Variants in MAGI2 observed in about 807,000 individuals in gnomAD.
The protein encoded by MAGI2 is membrane-associated guanylate kinase, WW and PDZ domain-containing protein 2.
Under a neutral mutation model 133.3 loss-of-function variants are expected in MAGI2, and 35 were observed. That is an observed-to-expected ratio of 0.26 (90% CI 0.20 to 0.35). The LOEUF is 0.35. Among genes scored for constraint, MAGI2 ranks in the 10% least tolerant of loss-of-function variants. MAGI2 has a pLI of 1.00. For synonymous variants in MAGI2, 729 were observed against 710.6 expected, an observed-to-expected ratio of 1.03 and a Z score of -0.41; for missense variants, 1,636 against 1,863.4, an observed-to-expected ratio of 0.88 and a Z score of 2.25.
At chr7:79,044,021 C>A (rs1475835680) in intron 1 of MAGI2, among the ~76,000 whole-genome samples, 2 of 152,120 alleles carry the variant, frequency 1.3e-5, no homozygotes, top group African/African-American at 4.8e-5. Context: ...GGTATCAATC[C>A]TACTGACACT....
intron 1 of MAGI2, among the ~76,000 whole-genome samples, chr7:79,335,180 A>T (rs1840350410): frequency 6.6e-6 from 1 of 152,138 alleles, no homozygotes; most frequent in Non-Finnish European, 1.5e-5. Flanking sequence ...TACACAATTG[A>T]CAACATAAAT....
intron 18 of MAGI2, among the ~76,000 whole-genome samples, chr7:78,131,235 C>A (rs531733115): frequency 9.9e-5 from 15 of 152,154 alleles, no homozygotes; most frequent in Non-Finnish European, 1.8e-4. Flanking sequence ...CAGGACCTAC[C>A]CTTCTTAGGG....
intron 9 of MAGI2, among the ~76,000 whole-genome samples, chr7:78,256,981 A>G (rs1345545889): frequency 6.6e-6 from 1 of 152,192 alleles, no homozygotes; most frequent in African/African-American, 2.4e-5. Context: ...TGAGTTTTAG[A>G]CGAAAAACAA....
intron 16 of MAGI2, among the ~76,000 whole-genome samples, chr7:78,159,344 C>G (rs1824729436): frequency 6.6e-6 from 1 of 152,156 alleles, no homozygotes; most frequent in Non-Finnish European, 1.5e-5. Flanking sequence ...TTCTCCCCCA[C>G]CCCCAACCCT....
Position 78,354,223 on chromosome 7 carries a change from C to A in MAGI2, c.1104-8180G>T, listed in dbSNP as rs569971513. Among the ~76,000 whole-genome samples the A allele has an allele frequency of 1.8e-4, 27 of 152,284 alleles. 2 individuals are homozygous for A. In the South Asian group the frequency reaches 5.6e-3, roughly 32 times the overall value. ...GTGTACAAGGAAGGGTGAGAATAGT[C>A]TGACTTGTAACATACTCTATGTTGA... On this transcript the variant is annotated intron_variant, in intron 7 of 21. Transcript: ENST00000354212.
intron 1 of MAGI2, among the ~76,000 whole-genome samples, chr7:79,041,069 A>G (rs1811618271): frequency 6.6e-6 from 1 of 152,166 alleles, no homozygotes; most frequent in South Asian, 2.1e-4. Context: ...CACATTCTAC[A>G]CATGTATCAA....
At chr7:78,391,369 T>C (rs887086788) in intron 6 of MAGI2, among the ~76,000 whole-genome samples, 2 of 109,016 alleles carry the variant, frequency 1.8e-5, no homozygotes, top group Non-Finnish European at 4.4e-5. Context: ...GAGAAACATT[T>C]AGAAACTTTA....
At chr7:78,579,039 T>G (rs1452768693) in intron 3 of MAGI2, among the ~76,000 whole-genome samples, 1 of 152,208 alleles carries the variant, frequency 6.6e-6, no homozygotes, top group Admixed American at 6.5e-5. Context: ...CTCATCTGTG[T>G]GGCTCACTCC....
chr7:78,709,550 C>A (rs1400726267), intron 2 of MAGI2, among the ~76,000 whole-genome samples: 1 of 152,172 alleles, frequency 6.6e-6, no homozygotes, highest in Non-Finnish European at 1.5e-5. Flanking sequence ...GTGGCCATCA[C>A]TTCAGTTCAC....
chr7:78,659,157 A>T (rs770888205), intron 2 of MAGI2, among the ~76,000 whole-genome samples: 13 of 152,052 alleles, frequency 8.5e-5, no homozygotes. Context: ...GCTATTAAAA[A>T]CCTGTAAGAA....
intron 1 of MAGI2, among the ~76,000 whole-genome samples, chr7:79,028,379 G>A (rs1004568255): frequency 3.8e-5 from 5 of 131,338 alleles, no homozygotes; most frequent in African/African-American, 8.6e-5. Context: ...ACATGCATAC[G>A]CATCTACACA....
At chr7:78,841,581 A>G (rs1563568692) in intron 2 of MAGI2, among the ~76,000 whole-genome samples, 1 of 151,932 alleles carries the variant, frequency 6.6e-6, no homozygotes, top group Non-Finnish European at 1.5e-5. Flanking sequence ...TACACATCCA[A>G]TTCAAACTTC....
At chr7:79,381,094 C>T (rs1000331593) in intron 1 of MAGI2, among the ~76,000 whole-genome samples, 2 of 151,414 alleles carry the variant, frequency 1.3e-5, no homozygotes, top group African/African-American at 4.9e-5. Flanking sequence ...GGCTCAATGT[C>T]TCAAGTCTAA....
chr7:78,790,681 G>GT (rs1827175906), intron 2 of MAGI2, among the ~76,000 whole-genome samples: 1 of 152,074 alleles, frequency 6.6e-6, no homozygotes, highest in African/African-American at 2.4e-5. Context: ...TGATCCACCT[G>GT]CCTGGGTCTC....
At chr7:78,027,497 A>T (rs1809051419) in intron 21 of MAGI2, among the ~76,000 whole-genome samples, 1 of 152,024 alleles carries the variant, frequency 6.6e-6, no homozygotes, top group African/African-American at 2.4e-5. Context: ...GTGTGGTGGC[A>T]CATGCCTGTA....
intron 7 of MAGI2, chr7:78,359,049 AAGGG>A (rs1396467058): frequency 6.6e-6 from 1 of 152,340 alleles, no homozygotes; most frequent in Non-Finnish European, 1.5e-5. Context: ...GGGGCAAGGG[AAGGG>A]CCTTAGTCAC....
intron 1 of MAGI2, among the ~76,000 whole-genome samples, chr7:79,147,032 G>T (rs1822707357): frequency 6.6e-6 from 1 of 152,140 alleles, no homozygotes; most frequent in African/African-American, 2.4e-5. Flanking sequence ...TAGACCACCT[G>T]AGTTCATATC....
intron 9 of MAGI2, among the ~76,000 whole-genome samples, chr7:78,288,663 C>G (rs1419932759): frequency 6.6e-6 from 1 of 152,206 alleles, no homozygotes. Flanking sequence ...CAAGTGGGTC[C>G]CTGACTCCCA....
chr7:79,098,547 T>C (rs1314536218), intron 1 of MAGI2, among the ~76,000 whole-genome samples: 1 of 152,222 alleles, frequency 6.6e-6, no homozygotes, highest in Non-Finnish European at 1.5e-5. Flanking sequence ...TTGGATAACA[T>C]GAGAAGAAAA....
Sources: gnomAD v4.1 joint callset for allele counts (sites outside exome capture counted in the v4.1 genomes callset) on GRCh38, gnomAD v4.1.1 for gene constraint, MANE v1.5 for transcripts, NCBI Gene and HGNC (gene_info 2026-07-23, HGNC 2026-07-21) for gene names.